MTUS2: variants seen among roughly 807,000 people sequenced by gnomAD.
MTUS2 encodes microtubule-associated tumor suppressor candidate 2.
MTUS2 carries 40 observed loss-of-function variants against 114.1 expected under a neutral mutation model. The observed-to-expected ratio is 0.35, with a 90% confidence interval of 0.27 to 0.46. The LOEUF is 0.46. Among genes scored for constraint, MTUS2 ranks in the 20% least tolerant of loss-of-function variants. The pLI is 1.00. For synonymous variants in MTUS2, 688 were observed against 672.0 expected (o/e 1.02, Z -0.37); for missense variants, 1,679 against 1,705.4 (o/e 0.98, Z 0.27).
chr13:29,391,547 C>A (rs59347048), intron 8 of MTUS2, among the ~76,000 whole-genome samples: 27,688 of 151,906 alleles, frequency 0.18, 2,731 homozygotes, highest in Middle Eastern at 0.25. Flanking sequence ...GCTTCAGGGG[C>A]AATATCTCAG....
chr13:28,964,980 C>T (rs1258933831), intron 2 of MTUS2, among the ~76,000 whole-genome samples: 1 of 151,956 alleles, frequency 6.6e-6, no homozygotes, highest in African/African-American at 2.4e-5. Context: ...GGTTTGTGTG[C>T]GATTGCTCCC....
At chr13:28,842,134 T>C (rs1183765644) in intron 2 of MTUS2, among the ~76,000 whole-genome samples, 1 of 152,108 alleles carries the variant, frequency 6.6e-6, no homozygotes, top group Non-Finnish European at 1.5e-5. Flanking sequence ...AAGGCCCCAG[T>C]GTTGTTTACA....
At chr13:29,425,026 A>C (rs1876404568) in intron 8 of MTUS2, among the ~76,000 whole-genome samples, 1 of 152,192 alleles carries the variant, frequency 6.6e-6, no homozygotes, top group African/African-American at 2.4e-5. Flanking sequence ...TTATTGTTTT[A>C]ATGGCATTGT....
intron 6 of MTUS2, among the ~76,000 whole-genome samples, chr13:29,320,230 A>T (rs905361811): frequency 6.6e-5 from 10 of 152,072 alleles, no homozygotes; most frequent in African/African-American, 2.4e-4. Flanking sequence ...AAGATGGGAG[A>T]AGGGGCCACC....
At chr13:28,881,336 A>G (rs1310480939) in intron 2 of MTUS2, among the ~76,000 whole-genome samples, 1 of 152,224 alleles carries the variant, frequency 6.6e-6, no homozygotes, top group Non-Finnish European at 1.5e-5. Context: ...ATAGTATTCC[A>G]TAATGTATGT....
intron 7 of MTUS2, among the ~76,000 whole-genome samples, chr13:29,354,522 A>G (rs750242202): frequency 9.2e-5 from 14 of 152,106 alleles, no homozygotes; most frequent in Non-Finnish European, 1.5e-4. Flanking sequence ...CAAAGTGTTT[A>G]TTGTTAGATC....
At chr13:29,481,187 C>G (rs887491170) in intron 10 of MTUS2, among the ~76,000 whole-genome samples, 1 of 152,204 alleles carries the variant, frequency 6.6e-6, no homozygotes, top group African/African-American at 2.4e-5. Context: ...AACCTTCGCC[C>G]AGAAACCTTA....
intron 2 of MTUS2, among the ~76,000 whole-genome samples, chr13:28,989,068 G>A (rs540312376): frequency 1.3e-5 from 2 of 152,184 alleles, no homozygotes; most frequent in Non-Finnish European, 2.9e-5. Context: ...ATGCTTTCTT[G>A]TCAGCAGTTT....
At chr13:29,416,437 G>A (rs3121740) in intron 8 of MTUS2, among the ~76,000 whole-genome samples, 150,764 of 150,952 alleles carry the variant, frequency 1, 75,290 homozygotes, top group South Asian at 1. Flanking sequence ...TAACATATAT[G>A]TAGCACATAT....
At position 29,367,736 on chromosome 13, in the gene MTUS2, C is replaced by G. The variant is rs571243734; in HGVS notation, c.3117+8263C>G. On this transcript the variant is annotated intron_variant, in intron 8 of 15. Transcript: ENST00000612955. ...CCACCCCACCCCAGCCCCAGCAACA[C>G]CCACACAGAAATCACAAACTGCTGA... Among the ~76,000 whole-genome samples, 5 of 151,276 alleles carry G rather than the reference C, an allele frequency of 3.3e-5. No individual in the cohort carries two copies. The East Asian group carries it at 9.9e-4, about 30-fold the overall frequency.
At chr13:29,390,674 G>C (rs1330656751) in intron 8 of MTUS2, among the ~76,000 whole-genome samples, 2 of 149,728 alleles carry the variant, frequency 1.3e-5, no homozygotes, top group African/African-American at 5.0e-5. Flanking sequence ...AAGAAAGAAA[G>C]AAAATATGTA....
At chr13:28,990,253 A>G (rs9579258) in intron 2 of MTUS2, among the ~76,000 whole-genome samples, 161 of 152,314 alleles carry the variant, frequency 1.1e-3, no homozygotes, top group Non-Finnish European at 1.8e-3. Flanking sequence ...AATTAGGGAC[A>G]GAGTCTATGT....
chr13:29,077,645 C>T (rs909548279), intron 4 of MTUS2, among the ~76,000 whole-genome samples: 2 of 152,210 alleles, frequency 1.3e-5, no homozygotes, highest in Non-Finnish European at 2.9e-5. Flanking sequence ...AGCAGATTGT[C>T]AGCCCTGGTA....
intron 8 of MTUS2, among the ~76,000 whole-genome samples, chr13:29,372,262 A>G (rs976531297): frequency 1.3e-4 from 19 of 151,948 alleles, no homozygotes; most frequent in Non-Finnish European, 2.8e-4. Context: ...CACGTCTAGC[A>G]GCACCAACAG....
intron 8 of MTUS2, among the ~76,000 whole-genome samples, chr13:29,375,428 A>C: frequency 8.8e-6 from 1 of 113,970 alleles, no homozygotes; most frequent in Non-Finnish European, 1.9e-5. Context: ...TTTAATGGCA[A>C]AAACCGCAAT....
intron 2 of MTUS2, among the ~76,000 whole-genome samples, chr13:28,959,722 G>T (rs1432014661): frequency 6.6e-6 from 1 of 152,134 alleles, no homozygotes; most frequent in African/African-American, 2.4e-5. Context: ...ACTCATTATT[G>T]CTAGGTCAGG....
intron 1 of MTUS2, among the ~76,000 whole-genome samples, chr13:28,826,350 A>T (rs1231966621): frequency 2.6e-5 from 4 of 152,344 alleles, no homozygotes; most frequent in Admixed American, 2.6e-4. Context: ...GACTAGATAG[A>T]AGACGAGACT....
chr13:29,363,411 T>G (rs1870434546), intron 8 of MTUS2, among the ~76,000 whole-genome samples: 1 of 152,220 alleles, frequency 6.6e-6, no homozygotes, highest in Non-Finnish European at 1.5e-5. Flanking sequence ...TTAAATAGTT[T>G]AGGCATAAAA....
intron 2 of MTUS2, among the ~76,000 whole-genome samples, chr13:28,853,812 C>T (rs568670087): frequency 1.3e-5 from 2 of 152,308 alleles, no homozygotes; most frequent in South Asian, 2.1e-4. Flanking sequence ...CAGATGATAA[C>T]TTAATACTAC....
Sources: allele counts gnomAD v4.1 joint callset (sites outside exome capture counted in the v4.1 genomes callset), GRCh38; gene constraint gnomAD v4.1.1; transcripts MANE v1.5; gene names NCBI Gene and HGNC (gene_info 2026-07-23, HGNC 2026-07-21).